ADGRB3: variants seen among roughly 807,000 people sequenced by gnomAD.
ADGRB3 encodes the protein brain-specific angiogenesis inhibitor 3.
ADGRB3 carries 37 observed loss-of-function variants against 193.4 expected under a neutral mutation model. The ratio of observed to expected loss-of-function variants is 0.19; its 90% CI spans 0.15 to 0.25. The LOEUF is 0.25. ADGRB3 is among the 10% of genes least tolerant of loss of function. ADGRB3 has a pLI of 1.00. For missense variants in ADGRB3, 1,637 were observed against 1,852.9 expected (o/e 0.88, Z 2.14); for synonymous variants, 690 against 644.2 (o/e 1.07, Z -1.08).
At chr6:68,952,012 G>A (rs1325914928) in intron 6 of ADGRB3, among the ~76,000 whole-genome samples, 2 of 152,016 alleles carry the variant, frequency 1.3e-5, no homozygotes, top group African/African-American at 4.8e-5. Context: ...AAGAAATAGA[G>A]ATATATAATA....
chr6:69,197,847 A>G (rs796670990), intron 17 of ADGRB3, among the ~76,000 whole-genome samples: 11 of 152,186 alleles, frequency 7.2e-5, no homozygotes, highest in African/African-American at 2.6e-4. Flanking sequence ...CAAAATATTT[A>G]ATTTTATGTG....
In ADGRB3 at chr6:69,292,069, CCTGT is replaced by C. The variant is rs549155084; in HGVS notation, c.2815-32800_2815-32797del. 3.3e-4 allele frequency among the ~76,000 whole-genome samples: 51 copies of C among 152,242 alleles called. 1 individual carries two copies. Among genetic ancestry groups the C allele is most frequent in the African/African-American group, 1.2e-3 (48 of 41,538 alleles). Reference sequence around the variant, plus strand: ...CTGTTTCCTGCCCTGTCAATTTCTCCCTGTCTACTTGTCATCAAACCTCGCATAA... The same window carrying C: ...CTGTTTCCTGCCCTGTCAATTTCTCCCTACTTGTCATCAAACCTCGCATAA... On this transcript the variant is annotated intron_variant, in intron 20 of 31. Coordinates refer to ENST00000370598, the MANE Select transcript of ADGRB3 (RefSeq NM_001704.3).
chr6:69,156,918 G>A (rs369228497), intron 17 of ADGRB3, among the ~76,000 whole-genome samples: 11 of 152,290 alleles, frequency 7.2e-5, no homozygotes, highest in African/African-American at 2.6e-4. Flanking sequence ...CTGATTCGTA[G>A]CAATATTTAT....
intron 3 of ADGRB3, among the ~76,000 whole-genome samples, chr6:68,721,627 A>ATATATATATAT (rs1765581656): frequency 7.1e-6 from 1 of 140,264 alleles, no homozygotes; most frequent in African/African-American, 2.6e-5. Context: ...AAGTATAATA[A>ATATATATATAT]ATATATATAT....
At chr6:68,713,455 A>G (rs1021605620) in intron 3 of ADGRB3, among the ~76,000 whole-genome samples, 2 of 150,744 alleles carry the variant, frequency 1.3e-5, no homozygotes, top group Non-Finnish European at 3.0e-5. Flanking sequence ...CATTCTGTCC[A>G]CTAGAACTTG....
intron 3 of ADGRB3, among the ~76,000 whole-genome samples, chr6:68,766,559 A>C (rs1766510772): frequency 6.6e-6 from 1 of 152,058 alleles, no homozygotes; most frequent in African/African-American, 2.4e-5. Flanking sequence ...GTGATTGCTA[A>C]GACTTCCTAG....
At chr6:68,693,020 A>G (rs992940478) in intron 3 of ADGRB3, among the ~76,000 whole-genome samples, 10 of 151,610 alleles carry the variant, frequency 6.6e-5, no homozygotes, top group Non-Finnish European at 1.2e-4. Flanking sequence ...AAACTAACCA[A>G]TGAAATACAA....
At chr6:68,981,997 T>G (rs1159855774) in intron 10 of ADGRB3, among the ~76,000 whole-genome samples, 2 of 151,988 alleles carry the variant, frequency 1.3e-5, no homozygotes, top group Admixed American at 6.6e-5. Flanking sequence ...GCGATTCTCC[T>G]GCCTCAGCCT....
At chr6:69,210,688 C>A (rs1765644863) in intron 17 of ADGRB3, among the ~76,000 whole-genome samples, 1 of 152,102 alleles carries the variant, frequency 6.6e-6, no homozygotes, top group Non-Finnish European at 1.5e-5. Flanking sequence ...CAGCCAATGA[C>A]TTAATCATTT....
chr6:69,048,249 A>G lies in ADGRB3; in HGVS notation c.2172A>G (p.Gly724=), dbSNP rs1424838175. The change falls in exon 14 of 32, where the codon GGA becomes GGG. Residue 724 remains glycine, a synonymous_variant. Transcript: ENST00000370598. The stretch of plus-strand genomic sequence containing the variant: ...CAGACATCAACTTTCCAATGAAAGG[A>G]CGGAAGGGAATGGTTGACTGGGCAA... ...VLTDINFPMK[G]RKGMVDWARN... 6.2e-7 allele frequency: 1 copy of G among 1,613,558 alleles called. No homozygotes were observed. The highest frequency in any genetic ancestry group is 8.5e-7 in the Non-Finnish European group (1 of 1,179,730).
intron 8 of ADGRB3, among the ~76,000 whole-genome samples, chr6:68,957,906 G>A (rs907784454): frequency 2.0e-5 from 3 of 151,944 alleles, no homozygotes; most frequent in Admixed American, 6.6e-5. Flanking sequence ...GCTTAAAAAA[G>A]ATCGAAAATT....
chr6:69,240,994 T>A (rs1012797850), intron 20 of ADGRB3, among the ~76,000 whole-genome samples: 2 of 151,930 alleles, frequency 1.3e-5, no homozygotes, highest in African/African-American at 4.8e-5. Context: ...TTTTCTGCCA[T>A]TTTTTACTCT....
At chr6:68,957,743 A>G (rs577040426) in intron 8 of ADGRB3, among the ~76,000 whole-genome samples, 1 of 152,328 alleles carries the variant, frequency 6.6e-6, no homozygotes, top group South Asian at 2.1e-4. Flanking sequence ...GTTTCAACTT[A>G]GAAGAACCAA....
At chr6:69,086,816 G>T (rs1401418307) in intron 17 of ADGRB3, among the ~76,000 whole-genome samples, 3 of 152,088 alleles carry the variant, frequency 2.0e-5, no homozygotes, top group Non-Finnish European at 4.4e-5. Flanking sequence ...AGTTTAATGT[G>T]TATCTTCTTG....
At chr6:68,764,690 C>A (rs1252881315) in intron 3 of ADGRB3, among the ~76,000 whole-genome samples, 1 of 152,036 alleles carries the variant, frequency 6.6e-6, no homozygotes, top group Non-Finnish European at 1.5e-5. Context: ...AAATTATATT[C>A]TTTTTTATTT....
At chr6:68,828,948 ATTATC>A (rs1582235423) in intron 3 of ADGRB3, among the ~76,000 whole-genome samples, 4 of 152,042 alleles carry the variant, frequency 2.6e-5, no homozygotes, top group African/African-American at 9.7e-5. Context: ...GAAATTAGCT[ATTATC>A]TTATAATTTT....
intron 17 of ADGRB3, among the ~76,000 whole-genome samples, chr6:69,213,789 T>A (rs1765715527): frequency 6.6e-6 from 1 of 152,232 alleles, no homozygotes; most frequent in Admixed American, 6.5e-5. Context: ...GATGGATCAA[T>A]AAATAGATTG....
intron 3 of ADGRB3, among the ~76,000 whole-genome samples, chr6:68,840,530 C>A (rs952433586): frequency 2.0e-5 from 3 of 151,414 alleles, no homozygotes; most frequent in Non-Finnish European, 4.4e-5. Flanking sequence ...TCAAGTAGCT[C>A]GGACAGCCTG....
At chr6:69,322,330 T>C (rs1478167274) in intron 20 of ADGRB3, among the ~76,000 whole-genome samples, 1 of 151,934 alleles carries the variant, frequency 6.6e-6, no homozygotes, top group Non-Finnish European at 1.5e-5. Flanking sequence ...GAATGTGTCT[T>C]TATAATAGAA....
Sources: gnomAD v4.1 joint callset for allele counts (sites outside exome capture counted in the v4.1 genomes callset) on GRCh38, gnomAD v4.1.1 for gene constraint, MANE v1.5 for transcripts, NCBI Gene and HGNC (gene_info 2026-07-23, HGNC 2026-07-21) for gene names.